Variants in BRCA1 observed in about 807,000 individuals in gnomAD.
BRCA1 encodes BRCA1 DNA repair associated.
Under a neutral mutation model 173.7 loss-of-function variants are expected in BRCA1, and 140 were observed. The ratio of observed to expected loss-of-function variants is 0.81; its 90% confidence interval spans 0.70 to 0.93. The LOEUF is 0.93. Ranked by LOEUF, BRCA1 falls within the 40% of genes least tolerant of loss-of-function variation. BRCA1 has a pLI of 0.00. For missense variants in BRCA1, 1,983 were observed against 2,172.5 expected, an observed-to-expected ratio of 0.91 and a Z score of 1.73; for synonymous variants, 662 against 756.0, an observed-to-expected ratio of 0.88 and a Z score of 2.04.
chr17:43,131,652 C>T (rs2055966491), intron 1 of BRCA1, among the ~76,000 whole-genome samples: 2 of 151,032 alleles, frequency 1.3e-5, no homozygotes, highest in South Asian at 2.1e-4. Context: ...ACCCAGGAGG[C>T]GGAGCTTGCA....
intron 21 of BRCA1, among the ~76,000 whole-genome samples, chr17:43,048,305 C>T (rs953405663): frequency 4.6e-5 from 7 of 152,128 alleles, no homozygotes; most frequent in Admixed American, 6.5e-5. Context: ...GGGGTTCAAG[C>T]GATTCTCCTG....
rs80357821 is a variant in BRCA1 at position 43,094,403 on chromosome 17, AT to A, written c.1127del (p.Asn376IlefsTer18). On this transcript the variant is annotated frameshift_variant, in exon 10 of 23. Transcript: ENST00000357654. LOFTEE classifies it high-confidence loss of function. ...DTEDVPWITL[N>X]SSIQKVNEWF... The stretch of plus-strand genomic sequence containing the variant: ...ACTCATTAACTTTCTGAATGCTGCT[AT>A]TTAGTGTTATCCAAGGAACATCTTC... 6.2e-7 allele frequency: 1 copy of A among 1,614,186 alleles called. No individual in the cohort carries two copies. Among genetic ancestry groups the A allele is most frequent in the Non-Finnish European group, 8.5e-7 (1 of 1,180,036 alleles).
chr17:43,111,160 G>A (rs1210767775), intron 3 of BRCA1, among the ~76,000 whole-genome samples: 6 of 150,780 alleles, frequency 4.0e-5, no homozygotes, highest in African/African-American at 1.5e-4. Context: ...TCAAACTAAT[G>A]CATGACTGCC....
intron 1 of BRCA1, among the ~76,000 whole-genome samples, chr17:43,152,344 G>A (rs776982053): frequency 2.6e-5 from 4 of 152,104 alleles, no homozygotes; most frequent in Non-Finnish European, 4.4e-5. Context: ...ACAAGTGGAG[G>A]GTAGAACTGC....
intron 14 of BRCA1, among the ~76,000 whole-genome samples, chr17:43,073,326 T>G (rs146853830): frequency 6.6e-6 from 1 of 152,288 alleles, no homozygotes; most frequent in East Asian, 1.9e-4. Flanking sequence ...CTTTTTTCAC[T>G]TAATAAATCA....
chr17:43,140,950 C>T (rs981245073), intron 1 of BRCA1, among the ~76,000 whole-genome samples: 3 of 152,224 alleles, frequency 2.0e-5, no homozygotes, highest in African/African-American at 4.8e-5. Flanking sequence ...ATTTCTCTGG[C>T]AGATTTCATT....
At position 43,082,518 on chromosome 17, in the gene BRCA1, C is replaced by T. The variant is rs1057519558; in HGVS notation, c.4243G>A (p.Glu1415Lys). The change falls in exon 12 of 23, where the codon GAA becomes AAA. Residue 1415 changes from glutamate (E) to lysine (K), a missense_variant. Glu to Lys is a moderately conservative substitution (Grantham distance 56). Coordinates refer to ENST00000357654, the MANE Select transcript of BRCA1 (RefSeq NM_007294.4). ...IKLQQEMAELEAVLEQHGSQP... is the reference protein window; with the variant it reads ...IKLQQEMAELKAVLEQHGSQP... ...CTCCCATGCTGTTCTAACACAGCTT[C>T]TAGTTCAGCCATTTCCTGCTGGAGC... 6.2e-7 allele frequency: 1 copy of T among 1,614,202 alleles called. No homozygotes were observed. Among genetic ancestry groups the T allele is most frequent in the South Asian group, 1.1e-5 (1 of 91,082 alleles).
intron 11 of BRCA1, among the ~76,000 whole-genome samples, chr17:43,087,595 G>C (rs1232678999): frequency 2.0e-5 from 3 of 150,834 alleles, no homozygotes; most frequent in Non-Finnish European, 4.4e-5. Flanking sequence ...CCGGGAGGCA[G>C]AGGATGCGGT....
At chr17:43,149,132 C>T (rs1188506573) in intron 1 of BRCA1, among the ~76,000 whole-genome samples, 1 of 151,504 alleles carries the variant, frequency 6.6e-6, no homozygotes, top group Non-Finnish European at 1.5e-5. Context: ...AGAGTCTTGC[C>T]CTGTCGCCCA....
chr17:43,157,669 C>G (rs1033504344), intron 1 of BRCA1, among the ~76,000 whole-genome samples: 1 of 151,260 alleles, frequency 6.6e-6, no homozygotes, highest in Non-Finnish European at 1.5e-5. Flanking sequence ...GTACTCCAGC[C>G]TGGGCAACAG....
intron 11 of BRCA1, among the ~76,000 whole-genome samples, chr17:43,090,741 C>T (rs751137579): frequency 8.6e-5 from 13 of 151,842 alleles, no homozygotes; most frequent in African/African-American, 1.2e-4. Context: ...GCTGTGTGTG[C>T]GCGTGTGCGT....
intron 12 of BRCA1, chr17:43,079,620 G>T: frequency 2.4e-6 from 2 of 834,336 alleles, no homozygotes; most frequent in South Asian, 1.3e-5. Context: ...TTCCTGAAAC[G>T]CGTGAAGGAA....
intron 3 of BRCA1, among the ~76,000 whole-genome samples, chr17:43,107,126 A>C (rs1356830987): frequency 7.1e-6 from 1 of 141,396 alleles, no homozygotes; most frequent in African/African-American, 2.7e-5. Context: ...GTGCAGTGGC[A>C]CGATCTCGGC....
intron 1 of BRCA1, among the ~76,000 whole-genome samples, chr17:43,145,622 G>A (rs1442711618): frequency 6.6e-6 from 1 of 152,116 alleles, no homozygotes; most frequent in African/African-American, 2.4e-5. Context: ...CACTGCGCCC[G>A]GCCTCCAGAG....
chr17:43,108,971 C>A (rs1462168595), intron 3 of BRCA1, among the ~76,000 whole-genome samples: 5 of 152,002 alleles, frequency 3.3e-5, no homozygotes, highest in African/African-American at 4.8e-5. Context: ...CCAGCCTGGG[C>A]AACAAGAGCG....
intron 6 of BRCA1, among the ~76,000 whole-genome samples, chr17:43,103,157 G>A (rs2054566074): frequency 6.6e-6 from 1 of 152,144 alleles, no homozygotes; most frequent in Admixed American, 6.5e-5. Flanking sequence ...TCCAAAGCAA[G>A]GAAGGGCCTA....
At chr17:43,073,666 A>G (rs2052553316) in intron 14 of BRCA1, among the ~76,000 whole-genome samples, 1 of 152,088 alleles carries the variant, frequency 6.6e-6, no homozygotes, top group South Asian at 2.1e-4. Context: ...GATTTGACTC[A>G]TTTTCTAATA....
At chr17:43,062,234 C>T (rs2051795140) in intron 18 of BRCA1, among the ~76,000 whole-genome samples, 1 of 151,870 alleles carries the variant, frequency 6.6e-6, no homozygotes, top group Non-Finnish European at 1.5e-5. Flanking sequence ...GCTAAGACTA[C>T]AGAAGCACAC....
In BRCA1 at chr17:43,100,675, TATA is replaced by T. The variant is rs1443779928; in HGVS notation, c.442-798_442-796del. ...TATATAACATATATATATATATATA[TATA>T]ATATATATATATATATATATATATG... On this transcript the variant is annotated intron_variant, in intron 6 of 22. Transcript: ENST00000357654. Among the ~76,000 whole-genome samples the T allele has an allele frequency of 3.3e-3, 51 of 15,538 alleles. 5 individuals carry two copies. The highest frequency in any genetic ancestry group is 0.03 in the South Asian group (11 of 372). The allele number at this position is 15,538 out of a possible 152,430, so 10.2% of individuals were successfully genotyped here. A position where few individuals can be genotyped will look rare whatever the true frequency, so the allele number is the denominator to read the frequency against.
Sources: allele counts gnomAD v4.1 joint callset (sites outside exome capture counted in the v4.1 genomes callset), GRCh38; gene constraint gnomAD v4.1.1; transcripts MANE v1.5; gene names NCBI Gene and HGNC (gene_info 2026-07-23, HGNC 2026-07-21).